KIDINS220: variants seen among roughly 807,000 people sequenced by gnomAD.
KIDINS220 encodes kinase D-interacting substrate of 220 kDa.
A neutral mutation model predicts 157.6 loss-of-function variants in KIDINS220; 63 were observed. The observed-to-expected ratio is 0.40, with a 90% CI of 0.33 to 0.49. The LOEUF (loss-of-function observed/expected upper bound fraction) is 0.49, where lower values mean the gene tolerates loss of function less well. Among genes scored for constraint, KIDINS220 ranks in the 20% least tolerant of loss-of-function variants. KIDINS220 has a pLI of 0.66. For missense variants in KIDINS220, 1,772 were observed against 2,171.2 expected (o/e 0.82, Z 3.65); for synonymous variants, 732 against 783.6 (o/e 0.93, Z 1.10).
At chr2:8,817,161 A>C (rs556051225) in intron 4 of KIDINS220, among the ~76,000 whole-genome samples, 66 of 152,354 alleles carry the variant, frequency 4.3e-4, no homozygotes, top group African/African-American at 1.6e-3. Context: ...ATTAAGGATC[A>C]CATCTTGTTA....
chr2:8,759,765 A>G (rs1372545286), intron 22 of KIDINS220, among the ~76,000 whole-genome samples: 5 of 152,072 alleles, frequency 3.3e-5, no homozygotes. Flanking sequence ...TAACAGGGAA[A>G]CTATATTTAA....
chr2:8,799,895 G>A (rs141256621), intron 9 of KIDINS220, among the ~76,000 whole-genome samples: 1 of 152,150 alleles, frequency 6.6e-6, no homozygotes, highest in African/African-American at 2.4e-5. Context: ...AATAATCTTT[G>A]TGGTTCTATG....
Position 8,806,362 on chromosome 2 carries a change from G to A in KIDINS220, c.512C>T (p.Thr171Ile). 6.3e-7 allele frequency: 1 copy of A among 1,589,948 alleles called. No individual in the cohort carries two copies. Among genetic ancestry groups the A allele is most frequent in the Non-Finnish European group, 8.6e-7 (1 of 1,168,288 alleles). Residue 171 changes from threonine (T) to isoleucine (I), a missense_variant, in exon 7 of 30, where the codon ACC becomes ATC. This residue lies in a region of KIDINS220 where 254 missense variants were observed against 268.6 expected (regional missense o/e 0.95). Coordinates refer to ENST00000256707, the MANE Select transcript of KIDINS220 (RefSeq NM_020738.4). ...AKVNCSDKYG[T>I]TPLVWAARKG... ...TCGTGCAGCCCAAACTAAAGGGGTG[G>A]TTCCATACTATTAAAACAAACAATA...
intron 19 of KIDINS220, 41 bp from the exon 20 acceptor site, chr2:8,778,768 T>A (rs527744586): frequency 6.3e-7 from 1 of 1,593,362 alleles, no homozygotes; most frequent in Admixed American, 1.7e-5. Context: ...ACACCAAAAT[T>A]CTGTTGTATA....
intron 2 of KIDINS220, among the ~76,000 whole-genome samples, chr2:8,821,019 T>C (rs182056525): frequency 3.3e-5 from 5 of 152,242 alleles, no homozygotes; most frequent in Non-Finnish European, 7.4e-5. Context: ...GTTTTCAAAA[T>C]TATAATTCCA....
At chr2:8,785,573 C>T (rs573613652) in intron 17 of KIDINS220, among the ~76,000 whole-genome samples, 168 bp downstream of exon 17, 98 of 152,260 alleles carry the variant, frequency 6.4e-4, no homozygotes, top group African/African-American at 1.9e-3. Context: ...GAACTTAAAA[C>T]TACCTTAAAT....
At position 8,736,989 on chromosome 2, in the gene KIDINS220, G is replaced by C; in HGVS notation, c.3596C>G (p.Pro1199Arg). Residue 1199 changes from proline (P) to arginine (R), a missense_variant, in exon 27 of 30, where the codon CCA (proline) becomes CGA (arginine). Around this residue, in one of 3 missense-constraint regions of KIDINS220, gnomAD observed 793 missense variants for 885.5 expected, o/e 0.90. Transcript: ENST00000256707. ...SPTDSSRGSG[P>R]APGPVVLLNS... ...CAGTAATACCACTGGGCCTGGGGCT[G>C]GGCCTGACCCCTAGAGAAGTCAAGG... 1 of 1,614,060 alleles carries C rather than the reference G, an allele frequency of 6.2e-7. No homozygotes were observed. Among genetic ancestry groups the C allele is most frequent in the Non-Finnish European group, 8.5e-7 (1 of 1,179,990 alleles).
intron 27 of KIDINS220, 59 bp downstream of exon 27, chr2:8,736,809 A>C (rs1440130259): frequency 3.2e-6 from 5 of 1,587,238 alleles, no homozygotes; most frequent in Non-Finnish European, 4.3e-6. Flanking sequence ...CACGACCCAC[A>C]CAGTCCTGTC....
At chr2:8,781,141 T>TTATATATATA (rs1390818729) in intron 17 of KIDINS220, among the ~76,000 whole-genome samples, 2 of 1,212 alleles carry the variant, frequency 1.7e-3, no homozygotes, top group African/African-American at 2.7e-3. Flanking sequence ...ATATTAATTA[T>TTATATATATA]TATATATATA....
rs765237146 is a variant in KIDINS220, at chr2:8,785,819, C to A, written c.2151G>T (p.Ser717=). The A allele has an allele frequency of 6.8e-6, 11 of 1,613,926 alleles. No individual in the cohort carries two copies. The highest frequency in any genetic ancestry group is 9.3e-6 in the Non-Finnish European group (11 of 1,179,994). ...NCRTWWQVLD[S]LLNSQRKRLH... ...GGCGTTTTCTTTGGGAATTCAGGAG[C>A]GAGTCCAGCACTTGCCACCATGTAC... The change falls in exon 17 of 30, where the codon TCG becomes TCT. Residue 717 remains serine, a synonymous_variant. Coordinates refer to ENST00000256707, the MANE Select transcript of KIDINS220 (RefSeq NM_020738.4).
At position 8,731,055 on chromosome 2, in the gene KIDINS220, T is replaced by G; in HGVS notation, c.4981A>C (p.Ser1661Arg). Residue 1661 changes from serine to arginine, a missense_variant, in exon 30 of 30, where the codon AGC becomes CGC. Coordinates refer to ENST00000256707, the MANE Select transcript of KIDINS220 (RefSeq NM_020738.4). This position sits in a 1 kb window ranked among gnomAD's most constrained non-coding sequence, Gnocchi z 5.2. ...KSPSECSLIA[S>R]SPEENWPACQ... is the part of the protein sequence containing the mutation. ...GCAGGCCAGTTTTCTTCAGGGCTGC[T>G]GGCTATCAAGCTGCATTCGGAAGGG... The G allele has an allele frequency of 6.2e-7, 1 of 1,614,232 alleles. No individual in the cohort carries two copies. The highest frequency in any genetic ancestry group is 8.5e-7 in the Non-Finnish European group (1 of 1,180,036).
At chr2:8,724,267 G>C (rs2147919329), downstream of KIDINS220, 1 of 152,310 alleles carries the variant, frequency 6.6e-6, no homozygotes, top group East Asian at 1.9e-4. This position sits in a 1 kb window ranked among gnomAD's most constrained non-coding sequence, Gnocchi z 4.6. Flanking sequence ...AGTATTTTAT[G>C]AGACGGAGTC....
At chr2:8,807,674 G>A (rs907620690) in intron 6 of KIDINS220, among the ~76,000 whole-genome samples, 1 of 152,154 alleles carries the variant, frequency 6.6e-6, no homozygotes, top group Non-Finnish European at 1.5e-5. Flanking sequence ...CCCTGGACAG[G>A]CTTCCCAGAT....
chr2:8,789,093 G>A (rs1377241413), intron 14 of KIDINS220, among the ~76,000 whole-genome samples: 1 of 152,018 alleles, frequency 6.6e-6, no homozygotes, highest in Non-Finnish European at 1.5e-5. Flanking sequence ...ATTCGCAACT[G>A]GTGAAGTTGG....
chr2:8,746,687 G>A (rs1666629688), intron 26 of KIDINS220: 1 of 153,770 alleles, frequency 6.5e-6, no homozygotes, highest in East Asian at 1.9e-4. Flanking sequence ...TATTAAAGAT[G>A]CATTTTTAGT....
Position 8,776,781 on chromosome 2 carries a change from T to C in KIDINS220, c.2815A>G (p.Met939Val). 6.2e-7 allele frequency: 1 copy of C among 1,613,970 alleles called. No individual in the cohort carries two copies. The highest frequency in any genetic ancestry group is 8.5e-7 in the Non-Finnish European group (1 of 1,179,900). Residue 939 changes from methionine to valine, a missense_variant, in exon 21 of 30, where the codon ATG becomes GTG. By Grantham distance (21) the Met-to-Val change is conservative. Transcript: ENST00000256707. ...DWFSDISPQT[M>V]RRLLNIVSVT... The stretch of plus-strand genomic sequence containing the variant: ...GAAACAATATTAAGTAATCTTCTCA[T>C]GGTCTGGGGACTGATGTCACTGAAC...
chr2:8,821,357 A>C (rs1677936174), intron 2 of KIDINS220, among the ~76,000 whole-genome samples: 1 of 151,664 alleles, frequency 6.6e-6, no homozygotes, highest in East Asian at 1.9e-4. Context: ...AAAAAAAAAA[A>C]CACCCAGTGT....
At chr2:8,772,555 AAAAT>A (rs1377892898) in intron 21 of KIDINS220, among the ~76,000 whole-genome samples, 1 of 152,262 alleles carries the variant, frequency 6.6e-6, no homozygotes, top group Non-Finnish European at 1.5e-5. Flanking sequence ...TGAGTGAATA[AAAAT>A]AAATATTCTA....
At chr2:8,810,914 T>C (rs1399051674) in intron 6 of KIDINS220, among the ~76,000 whole-genome samples, 1 of 152,208 alleles carries the variant, frequency 6.6e-6, no homozygotes, top group Admixed American at 6.5e-5. Context: ...ATATAAATAT[T>C]TACAACAGCC....
Sources: gnomAD v4.1 joint callset for allele counts (sites outside exome capture counted in the v4.1 genomes callset) on GRCh38, gnomAD v4.1.1 for gene constraint, gnomAD v4.1.1 regional missense constraint, Gnocchi (gnomAD v3.1) non-coding constraint, MANE v1.5 for transcripts, NCBI Gene and HGNC (gene_info 2026-07-23, HGNC 2026-07-21) for gene names.